Variants in CD177 observed in about 807,000 individuals in gnomAD.
The protein encoded by CD177 is CD177 molecule.
CD177 carries 41 observed loss-of-function variants against 38.1 expected under a neutral mutation model. That is an observed-to-expected ratio of 1.07 (90% confidence interval 0.84 to 1.39). CD177 has a LOEUF of 1.39. Among genes scored for constraint, CD177 ranks in the 40% most tolerant of loss-of-function variants. The pLI is 0.00. For missense variants in CD177, 619 were observed against 523.8 expected, an observed-to-expected ratio of 1.18 and a Z score of -1.77; for synonymous variants, 236 against 216.7, an observed-to-expected ratio of 1.09 and a Z score of -0.78.
rs767946750 is a variant in CD177 at position 43,354,214 on chromosome 19, A to T, written c.201A>T (p.Gln67His). ...DTLMLIESGPQVSLVLSKGCT... is the reference protein window; with the variant it reads ...DTLMLIESGPHVSLVLSKGCT... Reference sequence around the variant, plus strand: ...CTCCCTCTTTCGGTCCAGGACCCCAAGTGAGCCTGGTGCTCTCCAAGGGCT... The same window carrying T: ...CTCCCTCTTTCGGTCCAGGACCCCATGTGAGCCTGGTGCTCTCCAAGGGCT... The change falls in exon 3 of 9, where the codon CAA becomes CAT. Residue 67 changes from glutamine (Q) to histidine (H), a missense_variant. Coordinates refer to ENST00000618265, the MANE Select transcript of CD177 (RefSeq NM_020406.4). 6.2e-7 allele frequency: 1 copy of T among 1,612,650 alleles called. No individual in the cohort carries two copies. Among genetic ancestry groups the T allele is most frequent in the Admixed American group, 1.7e-5 (1 of 59,826 alleles).
downstream of CD177, among the ~76,000 whole-genome samples, chr19:43,364,087 G>A (rs1231151265): frequency 6.6e-6 from 1 of 152,100 alleles, no homozygotes; most frequent in Non-Finnish European, 1.5e-5. Flanking sequence ...GTCTCAAGGG[G>A]GAAAAATAAA....
At chr19:43,354,471 T>A in intron 3 of CD177, 79 bp downstream of exon 3, 1 of 1,460,624 alleles carries the variant, frequency 6.8e-7, no homozygotes, top group Non-Finnish European at 9.5e-7. Flanking sequence ...TGTTACGGAG[T>A]CCCTCCCACC....
In CD177 at chr19:43,361,248, C is replaced by T. The variant is rs1269583513; in HGVS notation, c.866C>T (p.Ser289Phe). 3 of 1,533,820 alleles carry T rather than the reference C, an allele frequency of 2.0e-6. No individual in the cohort carries two copies. The highest frequency in any genetic ancestry group is 1.7e-4 in the Middle Eastern group (1 of 5,956). ...HSAPPGVLVA[S>F]YTHFCSSDLC... ...GCCCCTCCTGGGGTGCTTGTGGCCT[C>T]CTATACCCACTTCTGCTCCTCGGAC... is the stretch of plus-strand genomic sequence containing the variant. The change falls in exon 7 of 9, where the codon TCC (serine) becomes TTC (phenylalanine). Residue 289 changes from serine (S) to phenylalanine (F), a missense_variant. Physicochemically the swap from Ser to Phe is radical, Grantham distance 155. Transcript: ENST00000618265.
At chr19:43,354,419 G>T (rs1352032568) in intron 3 of CD177, 27 bp downstream of exon 3, 1 of 1,611,380 alleles carries the variant, frequency 6.2e-7, no homozygotes, top group Non-Finnish European at 8.5e-7. Flanking sequence ...CGGGAGGAGA[G>T]GGAGGGGCTG....
In CD177 at chr19:43,355,635, C is replaced by T. The variant is rs757589293; in HGVS notation, c.380-26C>T. The stretch of plus-strand genomic sequence containing the variant: ...CAAATCCAGTGCCCTCTCAGTGCCC[C>T]CTCACTCTGTCTGTCACTTTCCTAG... On this transcript the variant is annotated intron_variant, in intron 3 of 8. Coordinates refer to ENST00000618265, the MANE Select transcript of CD177 (RefSeq NM_020406.4). 5 of 1,612,070 alleles carry T rather than the reference C, an allele frequency of 3.1e-6. No homozygotes were observed. The South Asian group carries it at 5.5e-5, about 18-fold the overall frequency.
chr19:43,363,373 CAGAGAG>C (rs10572342), downstream of CD177, among the ~76,000 whole-genome samples: 1,297 of 149,050 alleles, frequency 8.7e-3, 22 homozygotes, highest in African/African-American at 0.03. Flanking sequence ...AATCTGCAGA[CAGAGAG>C]AGAGAGAGAG....
At chr19:43,355,141 T>A (rs995154550) in intron 3 of CD177, among the ~76,000 whole-genome samples, 9 of 128,490 alleles carry the variant, frequency 7.0e-5, no homozygotes, top group Non-Finnish European at 1.4e-4. Context: ...TGAGAAAGCG[T>A]CTCGCTGTGT....
chr19:43,355,343 A>G (rs1290470256), intron 3 of CD177, among the ~76,000 whole-genome samples: 1 of 150,702 alleles, frequency 6.6e-6, no homozygotes, highest in African/African-American at 2.4e-5. Context: ...TGAACTCCTG[A>G]CCTCGTGATC....
chr19:43,355,296 T>TAG (rs1281319079), intron 3 of CD177, among the ~76,000 whole-genome samples: 1 of 150,862 alleles, frequency 6.6e-6, no homozygotes, highest in Admixed American at 6.6e-5. Context: ...GTATTTTTAG[T>TAG]AGAGACAGGG....
At chr19:43,365,866 C>G (rs1181179803), downstream of CD177, among the ~76,000 whole-genome samples, 1 of 152,136 alleles carries the variant, frequency 6.6e-6, no homozygotes, top group Non-Finnish European at 1.5e-5. Context: ...GGCCTCAGAC[C>G]TGCTTGAGCC....
downstream of CD177, among the ~76,000 whole-genome samples, chr19:43,364,503 T>G (rs997360925): frequency 1.3e-5 from 2 of 150,968 alleles, no homozygotes; most frequent in Admixed American, 1.3e-4. Flanking sequence ...CCTTCGAAAA[T>G]AGCCTCCTTG....
rs1244162226 is a variant in CD177, at chr19:43,361,053, G to A, written c.761-90G>A. 7 of 636,862 alleles carry A rather than the reference G, an allele frequency of 1.1e-5. 1 individual carries two copies. The highest frequency in any genetic ancestry group is 2.0e-5 in the Non-Finnish European group (7 of 353,364). 39.5% of individuals were successfully genotyped at this position (636,862 alleles called of 1,614,324 possible). A position where few individuals can be genotyped will look rare whatever the true frequency, so the allele number is the denominator to read the frequency against. On this transcript the variant is annotated intron_variant, in intron 6 of 8. Coordinates refer to ENST00000618265, the MANE Select transcript of CD177 (RefSeq NM_020406.4). Reference sequence around the variant, plus strand: ...AGGGCATTCACCCTCTGCCTGGGGGGTATTGTGAAGGGCAGGGAGTCCAGC... The same window carrying A: ...AGGGCATTCACCCTCTGCCTGGGGGATATTGTGAAGGGCAGGGAGTCCAGC...
chr19:43,362,119 C>A lies in CD177; in HGVS notation c.1113C>A (p.Gly371=), dbSNP rs1969978170. 1 of 1,613,684 alleles carries A rather than the reference C, an allele frequency of 6.2e-7. No individual in the cohort carries two copies. Among genetic ancestry groups the A allele is most frequent in the African/African-American group, 1.3e-5 (1 of 74,892 alleles). ...GGLSTKMSIQ[G]CVAQPSSFLL... ...TGTCCACCAAAATGAGCATTCAGGGCTGCGTGGCCCAACCTTCCAGCTTCT... is the reference window on the plus strand; with the variant it reads ...TGTCCACCAAAATGAGCATTCAGGGATGCGTGGCCCAACCTTCCAGCTTCT... The change falls in exon 9 of 9, where the codon GGC becomes GGA. Residue 371 remains glycine (G), a synonymous_variant. Transcript: ENST00000618265.
In CD177 at chr19:43,353,983, C is replaced by A. The variant is rs750077398; in HGVS notation, c.183C>A (p.Leu61=). The A allele has an allele frequency of 4.3e-6, 7 of 1,613,608 alleles. No homozygotes were observed. The highest frequency in any genetic ancestry group is 1.1e-5 in the South Asian group (1 of 91,072). Residue 61 remains leucine (L), a synonymous_variant, in exon 2 of 9, where the codon CTC becomes CTA. Coordinates refer to ENST00000618265, the MANE Select transcript of CD177 (RefSeq NM_020406.4). ...TGGGGTGCCAGGACACGTTGATGCT[C>A]ATTGAGAGCGGTGAGAAGGCCCTGG... ...SGLGCQDTLM[L]IESGPQVSLV...
rs368997775 is a variant in CD177 at position 43,362,286 on chromosome 19, C to A, written c.1280C>A (p.Ala427Glu). 12 of 1,585,634 alleles carry A rather than the reference C, an allele frequency of 7.6e-6. No individual in the cohort carries two copies. The highest frequency in any genetic ancestry group is 3.3e-5 in the South Asian group (3 of 90,144). The change falls in exon 9 of 9, where the codon GCG (alanine) becomes GAG (glutamate). Residue 427 changes from alanine (A) to glutamate (E), a missense_variant. Coordinates refer to ENST00000618265, the MANE Select transcript of CD177 (RefSeq NM_020406.4). Reference sequence around the variant, plus strand: ...GGGGTGGGGCTGGCACTGGCCCCAGCGCTGTGGTGGGGAGTGGTTTGCCCT... The same window carrying A: ...GGGGTGGGGCTGGCACTGGCCCCAGAGCTGTGGTGGGGAGTGGTTTGCCCT... ...TWGVGLALAP[A>E]LWWGVVCPSC
At chr19:43,361,635 G>T in intron 8 of CD177, 56 bp downstream of exon 8, 1 of 1,528,430 alleles carries the variant, frequency 6.5e-7, no homozygotes, top group Non-Finnish European at 8.9e-7. Flanking sequence ...TGGACTCCTG[G>T]GTCTGAGGGA....
chr19:43,354,664 A>C (rs1969897895), intron 3 of CD177: 2 of 592,056 alleles, frequency 3.4e-6, no homozygotes, highest in Non-Finnish European at 6.0e-6. Flanking sequence ...TCTGATATGA[A>C]ATCACCATTA....
rs765514070 is a variant in CD177, at chr19:43,354,284, A to T, written c.271A>T (p.Met91Leu). 2 of 1,613,878 alleles carry T rather than the reference A, an allele frequency of 1.2e-6. No individual in the cohort carries two copies. The highest frequency in any genetic ancestry group is 1.3e-5 in the African/African-American group (1 of 74,982). ...GGAGCCCCGCGTCACTGAGCACCGG[A>T]TGGGCCCCGGCCTCTCCCTGATCTC... Reference protein sequence around the residue: ...DQEPRVTEHRMGPGLSLISYT... With the variant: ...DQEPRVTEHRLGPGLSLISYT... Residue 91 changes from methionine (M) to leucine (L), a missense_variant, in exon 3 of 9, where the codon ATG becomes TTG. Transcript: ENST00000618265.
intron 2 of CD177, 92 bp downstream of exon 2, chr19:43,354,085 C>A: frequency 6.4e-7 from 1 of 1,567,330 alleles, no homozygotes; most frequent in South Asian, 1.2e-5. Context: ...TCCGGGGGAT[C>A]GACTCCTAGG....
Sources: allele counts gnomAD v4.1 joint callset (sites outside exome capture counted in the v4.1 genomes callset), GRCh38; gene constraint gnomAD v4.1.1; transcripts MANE v1.5; gene names NCBI Gene and HGNC (gene_info 2026-07-23, HGNC 2026-07-21).